The following CPEB3 variants were observed in gnomAD, a reference collection of about 807,000 sequenced individuals.
CPEB3 encodes the protein cytoplasmic polyadenylation element-binding protein 3.
CPEB3 carries 20 observed loss-of-function variants against 67.2 expected under a neutral mutation model. That is an observed-to-expected ratio of 0.30 (90% CI 0.21 to 0.43). The LOEUF (loss-of-function observed/expected upper bound fraction) is 0.43. Among genes scored for constraint, CPEB3 ranks in the 20% least tolerant of loss-of-function variants. CPEB3 has a pLI of 1.00. For synonymous variants in CPEB3, 376 were observed against 393.1 expected (o/e 0.96, Z 0.51); for missense variants, 746 against 968.6 (o/e 0.77, Z 3.05).
chr10:92,062,244 CA>C (rs35185791), intron 9 of CPEB3, among the ~76,000 whole-genome samples: 29 of 119,912 alleles, frequency 2.4e-4, no homozygotes, highest in Admixed American at 6.5e-4. Context: ...GACCCTGTCT[CA>C]AAAAAAAAAA....
At chr10:92,258,875 G>T (rs1370306965) in intron 1 of CPEB3, among the ~76,000 whole-genome samples, 1 of 150,246 alleles carries the variant, frequency 6.7e-6, no homozygotes, top group African/African-American at 2.5e-5. Flanking sequence ...AGCCAGGATG[G>T]TCTCCATCTC....
chr10:92,121,111 A>T (rs7919699), intron 6 of CPEB3, among the ~76,000 whole-genome samples: 50 of 151,236 alleles, frequency 3.3e-4, no homozygotes, highest in African/African-American at 1.1e-3. Flanking sequence ...TGGGTTCAAG[A>T]GATTCTCCTG....
chr10:92,280,148 G>A (rs1842198435), intron 1 of CPEB3, among the ~76,000 whole-genome samples: 1 of 151,928 alleles, frequency 6.6e-6, no homozygotes, highest in South Asian at 2.1e-4. Context: ...TTCGAGACAA[G>A]CCTGGCCAAC....
chr10:92,272,205 C>T (rs964219960), intron 1 of CPEB3: 2 of 152,140 alleles, frequency 1.3e-5, no homozygotes, highest in African/African-American at 4.8e-5. Context: ...TGAGATTGAT[C>T]TGTAACTGAT....
Position 92,284,638 on chromosome 10 carries a change from A to G in CPEB3, c.-12+6288T>C, listed in dbSNP as rs565587301. Among the ~76,000 whole-genome samples, 22 of 152,188 alleles carry G rather than the reference A, an allele frequency of 1.4e-4. No homozygotes were observed. In the South Asian group the frequency reaches 2.1e-3, roughly 14 times the overall value. On this transcript the variant is annotated intron_variant, in intron 1 of 9. Coordinates refer to ENST00000265997, the MANE Select transcript of CPEB3 (RefSeq NM_014912.5). ...CTCGGTATAACAGACACTACCTCAG[A>G]GAAACTTTCCATGACCTCCTGGTCT...
chr10:92,052,983 G>A, intron 9 of CPEB3, among the ~76,000 whole-genome samples: 1 of 152,222 alleles, frequency 6.6e-6, no homozygotes, highest in East Asian at 1.9e-4. Context: ...AATGAATATG[G>A]GAGGAGCTGA....
At chr10:92,114,793 G>A (rs959886635) in intron 6 of CPEB3, among the ~76,000 whole-genome samples, 6 of 152,164 alleles carry the variant, frequency 3.9e-5, no homozygotes, top group African/African-American at 1.4e-4. Context: ...GTCAAATGAA[G>A]AAACCAAATA....
chr10:92,249,343 C>T (rs935479321), intron 1 of CPEB3, among the ~76,000 whole-genome samples: 6 of 148,580 alleles, frequency 4.0e-5, no homozygotes, highest in African/African-American at 1.5e-4. Flanking sequence ...CGTGCCACTG[C>T]ACTCCAGTCT....
intron 1 of CPEB3, among the ~76,000 whole-genome samples, chr10:92,276,668 T>C (rs1030400774): frequency 1.3e-5 from 2 of 152,224 alleles, no homozygotes; most frequent in Non-Finnish European, 2.9e-5. Flanking sequence ...CAAGTGTTTG[T>C]GTAGGCATAT....
intron 3 of CPEB3, 107 bp downstream of exon 3, chr10:92,192,370 A>C: frequency 8.7e-7 from 1 of 1,155,104 alleles, no homozygotes; most frequent in South Asian, 1.6e-5. Context: ...TACAGAAGCA[A>C]AACAAAAACA....
intron 1 of CPEB3, among the ~76,000 whole-genome samples, chr10:92,268,939 T>G (rs1198355319): frequency 6.6e-6 from 1 of 152,066 alleles, no homozygotes; most frequent in Non-Finnish European, 1.5e-5. Flanking sequence ...TGCAATGAAA[T>G]GGGGAAGTCA....
intron 1 of CPEB3, among the ~76,000 whole-genome samples, chr10:92,286,036 C>T (rs916594745): frequency 6.6e-6 from 1 of 151,278 alleles, no homozygotes; most frequent in Admixed American, 6.6e-5. Context: ...CATGGATTCA[C>T]GCCATTCTCC....
At chr10:92,145,819 C>CT (rs1281475881) in intron 4 of CPEB3, among the ~76,000 whole-genome samples, 4 of 152,084 alleles carry the variant, frequency 2.6e-5, no homozygotes, top group Non-Finnish European at 5.9e-5. Flanking sequence ...TTTATCTGCT[C>CT]TTTATGGTAA....
At chr10:92,254,893 C>T (rs974155294) in intron 1 of CPEB3, among the ~76,000 whole-genome samples, 2 of 150,444 alleles carry the variant, frequency 1.3e-5, no homozygotes, top group Non-Finnish European at 3.0e-5. Context: ...TTTTTTCTGG[C>T]GATGGAGTGC....
chr10:92,061,419 C>CAAAAA (rs148327302), intron 9 of CPEB3, among the ~76,000 whole-genome samples: 11 of 93,334 alleles, frequency 1.2e-4, no homozygotes, highest in Admixed American at 2.1e-4. Context: ...AATTCTGTCT[C>CAAAAA]AAAAAAAAAA....
chr10:92,235,080 T>C (rs1164610525), intron 2 of CPEB3, among the ~76,000 whole-genome samples: 1 of 152,196 alleles, frequency 6.6e-6, no homozygotes, highest in African/African-American at 2.4e-5. Context: ...ATCCTCACAT[T>C]ACTACAATGG....
intron 9 of CPEB3, among the ~76,000 whole-genome samples, chr10:92,079,486 G>A (rs1279646920): frequency 1.3e-5 from 2 of 152,086 alleles, no homozygotes; most frequent in African/African-American, 2.4e-5. Flanking sequence ...TAAAAACCAG[G>A]AATGGAGTTG....
chr10:92,093,167 G>A (rs1037697341), intron 7 of CPEB3, among the ~76,000 whole-genome samples: 3 of 152,170 alleles, frequency 2.0e-5, no homozygotes, highest in African/African-American at 4.8e-5. Flanking sequence ...AGTTACGCAG[G>A]TAGCCAATAT....
At chr10:92,167,366 T>A (rs1384728567) in intron 4 of CPEB3, among the ~76,000 whole-genome samples, 2 of 152,240 alleles carry the variant, frequency 1.3e-5, no homozygotes, top group East Asian at 3.8e-4. Flanking sequence ...TCATTAAGCT[T>A]AATCATTTCT....
Sources: allele counts gnomAD v4.1 joint callset (sites outside exome capture counted in the v4.1 genomes callset), GRCh38; gene constraint gnomAD v4.1.1; transcripts MANE v1.5; gene names NCBI Gene and HGNC (gene_info 2026-07-23, HGNC 2026-07-21).